HACD2: variants seen among roughly 807,000 people sequenced by gnomAD.
The protein encoded by HACD2 is very-long-chain (3R)-3-hydroxyacyl-CoA dehydratase 2.
HACD2 carries 15 observed loss-of-function variants against 31.0 expected under a neutral mutation model. The observed-to-expected ratio is 0.48, with a 90% CI of 0.32 to 0.75. The LOEUF (loss-of-function observed/expected upper bound fraction) is 0.75, where lower values mean the gene tolerates loss of function less well. Among genes scored for constraint, HACD2 ranks in the 30% least tolerant of loss-of-function variants. HACD2 has a pLI of 0.03. For missense variants in HACD2, 283 were observed against 313.0 expected (o/e 0.90, Z 0.72); for synonymous variants, 115 against 122.2 (o/e 0.94, Z 0.39).
chr3:123,566,465 G>A (rs1375090519), intron 3 of HACD2, among the ~76,000 whole-genome samples: 7 of 151,376 alleles, frequency 4.6e-5, no homozygotes, highest in African/African-American at 1.7e-4. Flanking sequence ...TTTATTTTTT[G>A]TAGAGATGGG....
chr3:123,580,703 G>C (rs1336898110), intron 2 of HACD2, among the ~76,000 whole-genome samples: 1 of 151,122 alleles, frequency 6.6e-6, no homozygotes, highest in Admixed American at 6.6e-5. Flanking sequence ...GGACTGCTTG[G>C]TCCCAGGAGT....
At chr3:123,513,905 C>G (rs1436854652) in intron 4 of HACD2, among the ~76,000 whole-genome samples, 1 of 152,146 alleles carries the variant, frequency 6.6e-6, no homozygotes, top group Non-Finnish European at 1.5e-5. Flanking sequence ...AACACATACT[C>G]AAGTACTTAT....
At chr3:123,514,258 A>G (rs991121209) in intron 4 of HACD2, among the ~76,000 whole-genome samples, 46 of 152,180 alleles carry the variant, frequency 3.0e-4, no homozygotes, top group African/African-American at 9.9e-4. Flanking sequence ...CTGGGGCACC[A>G]GAGTGAGACT....
chr3:123,502,185 A>G (rs1195100909), intron 5 of HACD2, among the ~76,000 whole-genome samples: 1 of 152,232 alleles, frequency 6.6e-6, no homozygotes, highest in Non-Finnish European at 1.5e-5. Flanking sequence ...GACTTGGTCC[A>G]AAAAAACCCA....
chr3:123,531,600 CA>C (rs2056361297), intron 3 of HACD2, among the ~76,000 whole-genome samples: 1 of 152,188 alleles, frequency 6.6e-6, no homozygotes, highest in South Asian at 2.1e-4. Context: ...AGTGAGCCAC[CA>C]CACCTGGTCA....
chr3:123,540,083 A>G (rs1384674514), intron 3 of HACD2, among the ~76,000 whole-genome samples: 2 of 138,374 alleles, frequency 1.4e-5, no homozygotes, highest in Non-Finnish European at 3.1e-5. Context: ...GACCCTGTCT[A>G]AAAAAAAAAA....
At chr3:123,499,345 A>G in intron 6 of HACD2, 1 of 186,546 alleles carries the variant, frequency 5.4e-6, no homozygotes, top group Non-Finnish European at 1.1e-5. Flanking sequence ...CACATTTATC[A>G]TCTGTTTGAA....
Position 123,493,913 on chromosome 3 carries a change from T to TATAA in HACD2, c.*971_*974dup, listed in dbSNP as rs2055799180. ...ATTTAAAAATAAAACAATAATGGTGTATAAATCTATTCCTGAATGTTTTTC... is the reference window on the plus strand; with the variant it reads ...ATTTAAAAATAAAACAATAATGGTGTATAAATAAATCTATTCCTGAATGTTTTTC... On this transcript the variant is annotated 3_prime_UTR_variant, in exon 7 of 7. Transcript: ENST00000383657. 1 of 152,240 alleles carries TATAA rather than the reference T, an allele frequency of 6.6e-6. No homozygotes were observed. The highest frequency in any genetic ancestry group is 2.4e-5 in the African/African-American group (1 of 41,472). 9.4% of individuals were successfully genotyped at this position (152,240 alleles called of 1,614,324 possible).
chr3:123,522,974 G>T (rs2056235104), intron 4 of HACD2, among the ~76,000 whole-genome samples: 1 of 152,134 alleles, frequency 6.6e-6, no homozygotes, highest in African/African-American at 2.4e-5. Flanking sequence ...GAATGATGGG[G>T]GTAAGAAGCT....
intron 2 of HACD2, among the ~76,000 whole-genome samples, chr3:123,578,574 C>T (rs1418143714): frequency 6.6e-6 from 1 of 152,116 alleles, no homozygotes; most frequent in Non-Finnish European, 1.5e-5. Flanking sequence ...CTCAGCCAGG[C>T]TTCCTTTTGT....
chr3:123,543,756 C>A, intron 3 of HACD2: 2 of 313,862 alleles, frequency 6.4e-6, no homozygotes, highest in East Asian at 9.9e-5. Flanking sequence ...AAAGGAAACA[C>A]AGAAAAATAA....
At chr3:123,572,848 T>A (rs920335538) in intron 2 of HACD2, among the ~76,000 whole-genome samples, 1 of 152,190 alleles carries the variant, frequency 6.6e-6, no homozygotes, top group Non-Finnish European at 1.5e-5. Flanking sequence ...GTGATTCATC[T>A]ACAGTGATTC....
chr3:123,567,837 T>C, intron 2 of HACD2, 57 bp from the exon 3 acceptor site: 1 of 1,174,586 alleles, frequency 8.5e-7, no homozygotes, highest in Admixed American at 2.6e-5. Context: ...ATATTAAAGT[T>C]TTATTTCATA....
intron 2 of HACD2, among the ~76,000 whole-genome samples, chr3:123,568,292 C>CGCAT (rs2056813914): frequency 6.6e-6 from 1 of 152,218 alleles, no homozygotes; most frequent in South Asian, 2.1e-4. Context: ...GCTCTCTGGT[C>CGCAT]CAATCCAACC....
rs147048068 is a variant in HACD2, at chr3:123,515,082, G to A, written c.382-12401C>T. Among the ~76,000 whole-genome samples the A allele has an allele frequency of 4.6e-5, 7 of 152,344 alleles. No individual in the cohort carries two copies. In the East Asian group the frequency reaches 1.3e-3, roughly 29 times the overall value. ...TTGAGCACTTACTAAGCACCAGGCAGTGTTCTAAGTGCTTTGTATGTGTTA... is the reference window on the plus strand; with the variant it reads ...TTGAGCACTTACTAAGCACCAGGCAATGTTCTAAGTGCTTTGTATGTGTTA... On this transcript the variant is annotated intron_variant, in intron 4 of 6. Transcript: ENST00000383657.
At chr3:123,560,263 C>T (rs979500493) in intron 3 of HACD2, among the ~76,000 whole-genome samples, 1 of 152,192 alleles carries the variant, frequency 6.6e-6, no homozygotes, top group African/African-American at 2.4e-5. Context: ...TGGTCTGAAG[C>T]GCTTAACTGA....
intron 3 of HACD2, among the ~76,000 whole-genome samples, chr3:123,561,063 T>C (rs2056722939): frequency 6.6e-6 from 1 of 152,186 alleles, no homozygotes; most frequent in Non-Finnish European, 1.5e-5. Context: ...GATAAAAACT[T>C]GGCCCTCTCA....
At chr3:123,550,263 G>T (rs1369990176) in intron 3 of HACD2, among the ~76,000 whole-genome samples, 1 of 152,168 alleles carries the variant, frequency 6.6e-6, no homozygotes, top group Non-Finnish European at 1.5e-5. Flanking sequence ...AAAGGAAAAA[G>T]AACAGGCGCA....
intron 3 of HACD2, among the ~76,000 whole-genome samples, chr3:123,531,561 T>A (rs2056360877): frequency 6.6e-6 from 1 of 151,954 alleles, no homozygotes; most frequent in Non-Finnish European, 1.5e-5. Flanking sequence ...GCTGCCTCGG[T>A]CTCCCAAAGT....
Sources: gnomAD v4.1 joint callset for allele counts (sites outside exome capture counted in the v4.1 genomes callset) on GRCh38, gnomAD v4.1.1 for gene constraint, MANE v1.5 for transcripts, NCBI Gene and HGNC (gene_info 2026-07-23, HGNC 2026-07-21) for gene names.